Variants in PCDH9 observed in about 807,000 individuals in gnomAD.
The protein encoded by PCDH9 is protocadherin 9.
A neutral mutation model predicts 70.6 loss-of-function variants in PCDH9; 24 were observed. The observed-to-expected ratio is 0.34, with a 90% CI of 0.25 to 0.48. The LOEUF (loss-of-function observed/expected upper bound fraction) is 0.48. Among genes scored for constraint, PCDH9 ranks in the 20% least tolerant of loss-of-function variants. The pLI is 0.99. For missense variants in PCDH9, 1,281 were observed against 1,503.6 expected (o/e 0.85, Z 2.45); for synonymous variants, 562 against 558.5 (o/e 1.01, Z -0.09).
At chr13:67,198,930 C>G (rs1250751165) in intron 2 of PCDH9, among the ~76,000 whole-genome samples, 5 of 151,598 alleles carry the variant, frequency 3.3e-5, no homozygotes, top group Admixed American at 6.6e-5. Context: ...AAAAAGAATA[C>G]TTATTAATGT....
At chr13:66,593,550 A>C (rs531322884) in intron 4 of PCDH9, among the ~76,000 whole-genome samples, 30 of 151,856 alleles carry the variant, frequency 2.0e-4, no homozygotes, top group African/African-American at 7.2e-4. Context: ...ATTTGTAAGA[A>C]GCAGAAAACA....
At chr13:67,158,519 A>G (rs1008971378) in intron 2 of PCDH9, among the ~76,000 whole-genome samples, 6 of 152,178 alleles carry the variant, frequency 3.9e-5, no homozygotes, top group African/African-American at 1.4e-4. Flanking sequence ...CCTCATGAGT[A>G]GGTTAGTGCC....
At chr13:66,318,936 G>T (rs953125263) in intron 4 of PCDH9, among the ~76,000 whole-genome samples, 1 of 150,928 alleles carries the variant, frequency 6.6e-6, no homozygotes, top group East Asian at 2.0e-4. Context: ...TGACCAAAAA[G>T]GCTATTATTC....
chr13:67,029,150 A>G (rs2084854347), intron 2 of PCDH9, among the ~76,000 whole-genome samples: 2 of 152,196 alleles, frequency 1.3e-5, no homozygotes, highest in African/African-American at 4.8e-5. Flanking sequence ...CAATTTTGAT[A>G]AAATACTTAA....
At chr13:66,745,728 T>C (rs1005781070) in intron 3 of PCDH9, among the ~76,000 whole-genome samples, 1 of 152,110 alleles carries the variant, frequency 6.6e-6, no homozygotes, top group African/African-American at 2.4e-5. Flanking sequence ...ATCTCCCCCA[T>C]TCCATGGAGA....
intron 3 of PCDH9, among the ~76,000 whole-genome samples, chr13:66,665,111 T>C (rs57955050): frequency 0.26 from 14,591 of 57,218 alleles, 771 homozygotes; most frequent in Middle Eastern, 0.32. Flanking sequence ...TTTCTCTCCT[T>C]TTTTTTTTTT....
chr13:66,615,278 C>G (rs570828572), intron 4 of PCDH9, among the ~76,000 whole-genome samples: 1 of 152,158 alleles, frequency 6.6e-6, no homozygotes, highest in Non-Finnish European at 1.5e-5. Context: ...CACTTAGGTA[C>G]ATTGGATTGC....
chr13:66,883,539 T>C (rs1056958045), intron 3 of PCDH9, among the ~76,000 whole-genome samples: 35 of 152,168 alleles, frequency 2.3e-4, no homozygotes, highest in African/African-American at 7.7e-4. Context: ...GGACTACCAG[T>C]CCCATTAAAC....
intron 3 of PCDH9, among the ~76,000 whole-genome samples, chr13:66,756,208 C>T (rs1463578755): frequency 1.3e-5 from 2 of 152,064 alleles, no homozygotes; most frequent in Non-Finnish European, 2.9e-5. Context: ...TTCAGAATTA[C>T]ATTTTTAAAA....
chr13:66,956,610 C>T (rs937766900), intron 2 of PCDH9, among the ~76,000 whole-genome samples: 8 of 152,020 alleles, frequency 5.3e-5, no homozygotes, highest in Non-Finnish European at 7.4e-5. Context: ...AATTAGCCGA[C>T]CGTGGTGGCA....
intron 4 of PCDH9, among the ~76,000 whole-genome samples, chr13:66,517,490 A>T (rs1459441634): frequency 6.6e-6 from 1 of 152,008 alleles, no homozygotes; most frequent in Admixed American, 6.6e-5. Flanking sequence ...TCTGTAATTT[A>T]AAAAAAACAA....
chr13:66,625,662 T>A (rs1410079305), intron 4 of PCDH9, among the ~76,000 whole-genome samples: 1 of 1,978 alleles, frequency 5.1e-4, no homozygotes, highest in South Asian at 0.17. Flanking sequence ...TATAGTGGAA[T>A]TTTTTTTTTT....
At chr13:66,980,954 T>C (rs575077607) in intron 2 of PCDH9, among the ~76,000 whole-genome samples, 1 of 152,230 alleles carries the variant, frequency 6.6e-6, no homozygotes, top group Non-Finnish European at 1.5e-5. Flanking sequence ...ATAAGCTATA[T>C]TCATTTTATC....
intron 2 of PCDH9, among the ~76,000 whole-genome samples, chr13:66,953,020 G>A (rs1314783905): frequency 6.6e-6 from 1 of 151,488 alleles, no homozygotes; most frequent in East Asian, 1.9e-4. Flanking sequence ...CTTGTAAAAT[G>A]GACTGTAGTA....
chr13:66,848,876 C>T (rs1468722282), intron 3 of PCDH9, among the ~76,000 whole-genome samples: 3 of 144,578 alleles, frequency 2.1e-5, no homozygotes, highest in Non-Finnish European at 4.5e-5. Flanking sequence ...TGCAGTGAGC[C>T]GAGATCGCAC....
chr13:66,789,074 C>G (rs144805880), intron 3 of PCDH9, among the ~76,000 whole-genome samples: 1 of 152,164 alleles, frequency 6.6e-6, no homozygotes, highest in Non-Finnish European at 1.5e-5. Context: ...GCAACAGTTA[C>G]AGCAACAAAC....
intron 4 of PCDH9, among the ~76,000 whole-genome samples, chr13:66,496,785 T>C (rs901610139): frequency 6.6e-6 from 1 of 152,146 alleles, no homozygotes; most frequent in African/African-American, 2.4e-5. Context: ...AATTAAGTTC[T>C]CAATAGTGCA....
intron 3 of PCDH9, among the ~76,000 whole-genome samples, chr13:66,674,419 T>C (rs977130871): frequency 2.2e-5 from 3 of 133,590 alleles, no homozygotes; most frequent in Non-Finnish European, 5.0e-5. Context: ...TATACTGTAT[T>C]GTGTTAAAAA....
chr13:66,953,699 A>C (rs2083221579), intron 2 of PCDH9, among the ~76,000 whole-genome samples: 1 of 152,102 alleles, frequency 6.6e-6, no homozygotes, highest in Non-Finnish European at 1.5e-5. Flanking sequence ...TTACCACTTC[A>C]TTCCCTTCAC....
Sources: allele counts gnomAD v4.1 joint callset (sites outside exome capture counted in the v4.1 genomes callset), GRCh38; gene constraint gnomAD v4.1.1; transcripts MANE v1.5; gene names NCBI Gene and HGNC (gene_info 2026-07-23, HGNC 2026-07-21).